Variants in P3H2 observed in about 807,000 individuals in gnomAD.
P3H2 encodes prolyl 3-hydroxylase 2, also known as leprecan-like 1.
In P3H2, 80 loss-of-function variants were observed where a neutral mutation model predicts 87.0. The observed-to-expected ratio is 0.92, with a 90% CI of 0.77 to 1.11. P3H2 has a LOEUF of 1.11. P3H2 is among the 50% of genes least tolerant of loss of function. The pLI, the probability that P3H2 is intolerant of heterozygous loss-of-function variation, is 0.00. For synonymous variants in P3H2, 367 were observed against 359.3 expected (o/e 1.02, Z -0.24); for missense variants, 1,001 against 923.9 (o/e 1.08, Z -1.08).
chr3:190,005,149 G>A (rs921470788), intron 1 of P3H2, among the ~76,000 whole-genome samples: 1 of 152,132 alleles, frequency 6.6e-6, no homozygotes, highest in African/African-American at 2.4e-5. Flanking sequence ...CTTAATGCAA[G>A]CCTGGGAATG....
At chr3:190,079,415 T>G (rs769674463) in intron 1 of P3H2, among the ~76,000 whole-genome samples, 1 of 152,016 alleles carries the variant, frequency 6.6e-6, no homozygotes, top group African/African-American at 2.4e-5. Context: ...GGGGACATAA[T>G]AGTACCTACC....
chr3:190,105,295 T>C (rs1386155644), intron 1 of P3H2, among the ~76,000 whole-genome samples: 2 of 152,330 alleles, frequency 1.3e-5, no homozygotes, highest in African/African-American at 2.4e-5. Context: ...ATTTCTGTTA[T>C]TTGGTCCTAG....
At chr3:189,992,835 A>C (rs1723918263) in intron 3 of P3H2, among the ~76,000 whole-genome samples, 1 of 152,236 alleles carries the variant, frequency 6.6e-6, no homozygotes, top group Admixed American at 6.5e-5. Context: ...ATTAAGAAGT[A>C]AATTACTATG....
At chr3:190,037,458 GGATA>G (rs1364481727) in intron 1 of P3H2, among the ~76,000 whole-genome samples, 1 of 152,030 alleles carries the variant, frequency 6.6e-6, no homozygotes, top group Non-Finnish European at 1.5e-5. Context: ...TCATTGCTCT[GGATA>G]GAGTCTGCAG....
chr3:190,004,590 G>A (rs1724328165), intron 1 of P3H2, among the ~76,000 whole-genome samples: 3 of 152,062 alleles, frequency 2.0e-5, no homozygotes, highest in South Asian at 4.2e-4. Flanking sequence ...CACCGTCTTA[G>A]CCGGGATGGT....
chr3:190,016,490 C>T (rs1270413188), intron 1 of P3H2, among the ~76,000 whole-genome samples: 1 of 152,106 alleles, frequency 6.6e-6, no homozygotes, highest in Non-Finnish European at 1.5e-5. Flanking sequence ...GTGATCCACC[C>T]GCCTCGGCCT....
chr3:190,118,327 A>G (rs1712375280), intron 1 of P3H2, among the ~76,000 whole-genome samples: 1 of 152,004 alleles, frequency 6.6e-6, no homozygotes, highest in African/African-American at 2.4e-5. Context: ...TAACAGCAGG[A>G]CTGCTAACCT....
At chr3:190,033,856 C>T (rs1577285562) in intron 1 of P3H2, among the ~76,000 whole-genome samples, 2 of 152,252 alleles carry the variant, frequency 1.3e-5, no homozygotes, top group Middle Eastern at 6.8e-3. Flanking sequence ...TATTCATATC[C>T]TATTGCTCAG....
In P3H2 at chr3:190,096,529, C is replaced by G. The variant is rs557691857; in HGVS notation, c.480+23723G>C. Among the ~76,000 whole-genome samples the G allele has an allele frequency of 3.9e-5, 6 of 152,278 alleles. No individual in the cohort carries two copies. In the East Asian group the frequency reaches 1.2e-3, roughly 29 times the overall value. On this transcript the variant is annotated intron_variant, in intron 1 of 14. Coordinates refer to ENST00000319332, the MANE Select transcript of P3H2 (RefSeq NM_018192.4). Reference sequence around the variant, plus strand: ...TTACACCTCTTTTCTTCATAAATGACCCAGTCTCAGGTAGTTCATACATAG... The same window carrying G: ...TTACACCTCTTTTCTTCATAAATGAGCCAGTCTCAGGTAGTTCATACATAG...
intron 1 of P3H2, among the ~76,000 whole-genome samples, chr3:190,017,471 G>A (rs1724803473): frequency 1.3e-5 from 2 of 152,228 alleles, no homozygotes. Context: ...TATGGAGCCA[G>A]TAACAGCGTG....
chr3:190,087,643 G>A (rs1727273229), intron 1 of P3H2, among the ~76,000 whole-genome samples: 2 of 151,336 alleles, frequency 1.3e-5, no homozygotes, highest in Admixed American at 6.6e-5. Flanking sequence ...TGGGAAGTCA[G>A]TATTTGAATA....
At chr3:190,033,907 C>T (rs948365108) in intron 1 of P3H2, among the ~76,000 whole-genome samples, 1 of 152,148 alleles carries the variant, frequency 6.6e-6, no homozygotes, top group African/African-American at 2.4e-5. Flanking sequence ...TGTTATTTTA[C>T]CGCCAAATAT....
intron 1 of P3H2, among the ~76,000 whole-genome samples, chr3:190,076,625 C>G (rs889095082): frequency 6.6e-6 from 1 of 152,148 alleles, no homozygotes; most frequent in African/African-American, 2.4e-5. Context: ...CCAAATAAAG[C>G]TGAATATTTT....
rs1724567362 is a variant in P3H2 at position 190,010,948 on chromosome 3, G to A, written c.481-15506C>T. On this transcript the variant is annotated intron_variant, in intron 1 of 14. Coordinates refer to ENST00000319332, the MANE Select transcript of P3H2 (RefSeq NM_018192.4). ...TTTAATCCAGTGTTCTTTCTACAAA[G>A]GTATCAAAAAGTGACCTTGGTAGAC... Among the ~76,000 whole-genome samples the A allele has an allele frequency of 5.9e-5, 9 of 152,088 alleles. 1 individual carries two copies. In the South Asian group the frequency reaches 1.9e-3, roughly 32 times the overall value.
intron 8 of P3H2, among the ~76,000 whole-genome samples, chr3:189,982,107 T>C (rs1723554720): frequency 6.7e-6 from 1 of 149,126 alleles, no homozygotes. Flanking sequence ...CATCAATAGG[T>C]GATATATTTT....
At chr3:190,087,200 C>T (rs1577316857) in intron 1 of P3H2, among the ~76,000 whole-genome samples, 1 of 152,268 alleles carries the variant, frequency 6.6e-6, no homozygotes, top group Admixed American at 6.5e-5. Flanking sequence ...TTTTCAAATT[C>T]TATCACTGCT....
intron 1 of P3H2, among the ~76,000 whole-genome samples, chr3:190,071,342 T>C (rs765052424): frequency 9.9e-5 from 15 of 152,222 alleles, no homozygotes; most frequent in Non-Finnish European, 1.8e-4. Flanking sequence ...AGAATAAATA[T>C]TGAATTAAAA....
In P3H2 at chr3:189,963,745, T is replaced by G. The variant is rs1168812550; in HGVS notation, c.2034+213A>C. Reference sequence around the variant, plus strand: ...AGGAGTGAGCCACCACGCCCAGCCTTACAATTTGTTAATAAGCTCAAGACA... The same window carrying G: ...AGGAGTGAGCCACCACGCCCAGCCTGACAATTTGTTAATAAGCTCAAGACA... On this transcript the variant is annotated intron_variant, in intron 14 of 14. Transcript: ENST00000319332. 4 of 591,006 alleles carry G rather than the reference T, an allele frequency of 6.8e-6. No individual in the cohort carries two copies. In the East Asian group the frequency reaches 9.1e-5, roughly 13 times the overall value. The allele number at this position is 591,006 out of a possible 1,614,324, so 36.6% of individuals were successfully genotyped here. A position where few individuals can be genotyped will look rare whatever the true frequency, so the allele number is the denominator to read the frequency against.
At chr3:189,959,014 T>C (rs894744865) in intron 14 of P3H2, among the ~76,000 whole-genome samples, 6 of 152,022 alleles carry the variant, frequency 3.9e-5, no homozygotes, top group African/African-American at 4.8e-5. Flanking sequence ...AGAGCCACCA[T>C]TGTAAGCCCT....
Sources: allele counts gnomAD v4.1 joint callset (sites outside exome capture counted in the v4.1 genomes callset), GRCh38; gene constraint gnomAD v4.1.1; transcripts MANE v1.5; gene names NCBI Gene and HGNC (gene_info 2026-07-23, HGNC 2026-07-21).